TMEM245: variants seen among roughly 807,000 people sequenced by gnomAD.
The protein encoded by TMEM245 is protein CG-2.
A neutral mutation model predicts 101.2 loss-of-function variants in TMEM245; 69 were observed. The observed-to-expected ratio is 0.68, with a 90% confidence interval of 0.56 to 0.83. The LOEUF is 0.83. Among genes scored for constraint, TMEM245 ranks in the 40% least tolerant of loss-of-function variants. TMEM245 has a pLI of 0.00. For synonymous variants in TMEM245, 537 were observed against 449.8 expected (o/e 1.19, Z -2.45); for missense variants, 1,075 against 1,092.8 (o/e 0.98, Z 0.23).
chr9:109,099,617 C>T (rs548592804), intron 3 of TMEM245, among the ~76,000 whole-genome samples: 3 of 152,072 alleles, frequency 2.0e-5, no homozygotes, highest in Non-Finnish European at 4.4e-5. Context: ...AGCATAACAC[C>T]AATCTCACTA....
At chr9:109,111,221 AAC>A (rs1315362485) in intron 1 of TMEM245, among the ~76,000 whole-genome samples, 7 of 152,226 alleles carry the variant, frequency 4.6e-5, no homozygotes, top group Non-Finnish European at 1.0e-4. Flanking sequence ...ATTAGGAAAT[AAC>A]ACAGCTCAGT....
intron 16 of TMEM245, among the ~76,000 whole-genome samples, chr9:109,034,759 T>A (rs548468627): frequency 1.4e-4 from 21 of 152,080 alleles, no homozygotes; most frequent in Middle Eastern, 3.4e-3. Flanking sequence ...AAGCTTTTTT[T>A]AAAAAAAATA....
chr9:109,054,933 CA>C (rs1335971703), intron 12 of TMEM245, among the ~76,000 whole-genome samples: 2 of 152,138 alleles, frequency 1.3e-5, no homozygotes, highest in East Asian at 1.9e-4. Flanking sequence ...ACATTTCATA[CA>C]AAAACTACTA....
At chr9:109,025,948 T>C (rs1537431) in intron 17 of TMEM245, among the ~76,000 whole-genome samples, 66,055 of 152,102 alleles carry the variant, frequency 0.43, 14,725 homozygotes, top group South Asian at 0.61. Flanking sequence ...GGCATTCATC[T>C]GTGTGAAGAT....
intron 8 of TMEM245, among the ~76,000 whole-genome samples, chr9:109,079,995 G>A (rs1829622142): frequency 6.6e-6 from 1 of 152,090 alleles, no homozygotes; most frequent in Non-Finnish European, 1.5e-5. Flanking sequence ...GCTTGAGGGT[G>A]TACTGAAGCT....
At chr9:109,060,310 A>G (rs750383060) in intron 11 of TMEM245, 44 bp downstream of exon 11, 6 of 1,358,438 alleles carry the variant, frequency 4.4e-6, no homozygotes, top group Non-Finnish European at 6.2e-6. Context: ...CAATAAAAGG[A>G]CTTTATTAGT....
intron 8 of TMEM245, among the ~76,000 whole-genome samples, chr9:109,076,007 G>A (rs1046169998): frequency 1.3e-5 from 2 of 152,154 alleles, no homozygotes; most frequent in Non-Finnish European, 2.9e-5. Context: ...TGCTTCAGCT[G>A]CATCCCACAA....
At chr9:109,042,643 C>G (rs1828346400) in intron 14 of TMEM245, among the ~76,000 whole-genome samples, 2 of 152,064 alleles carry the variant, frequency 1.3e-5, no homozygotes, top group South Asian at 4.1e-4. Context: ...CCTTTGTTTT[C>G]TAATAAAATT....
chr9:109,083,908 A>AAAAC (rs1829747979), intron 7 of TMEM245, among the ~76,000 whole-genome samples: 1 of 110,202 alleles, frequency 9.1e-6, no homozygotes, highest in African/African-American at 3.6e-5. Context: ...ATACAAAAAA[A>AAAAC]AAAAAAAAAA....
intron 8 of TMEM245, among the ~76,000 whole-genome samples, chr9:109,080,086 T>C (rs1588057825): frequency 6.6e-6 from 1 of 152,186 alleles, no homozygotes; most frequent in Non-Finnish European, 1.5e-5. Flanking sequence ...AATTAGATTA[T>C]CAATTATAGT....
At chr9:109,064,704 T>A (rs541319438) in intron 9 of TMEM245, 137 bp from the exon 10 acceptor site, 63 of 592,032 alleles carry the variant, frequency 1.1e-4, no homozygotes, top group Non-Finnish European at 1.7e-4. Context: ...CAAAGCATCA[T>A]GAGCAGGACT....
intron 8 of TMEM245, among the ~76,000 whole-genome samples, chr9:109,080,470 G>A (rs1829634735): frequency 6.6e-6 from 1 of 151,836 alleles, no homozygotes; most frequent in Non-Finnish European, 1.5e-5. Flanking sequence ...ATGGAAGGTG[G>A]TAATCAGCAA....
At chr9:109,034,774 CGT>C in intron 16 of TMEM245, among the ~76,000 whole-genome samples, 1 of 151,998 alleles carries the variant, frequency 6.6e-6, no homozygotes, top group African/African-American at 2.4e-5. Flanking sequence ...AAAATAAAAA[CGT>C]GTGGGAGTTT....
Position 109,119,752 on chromosome 9 carries a change from G to A in TMEM245, c.162C>T (p.Phe54=), listed in dbSNP as rs1481342819. The A allele has an allele frequency of 3.3e-6, 5 of 1,521,190 alleles. No individual in the cohort carries two copies. The highest frequency in any genetic ancestry group is 1.4e-5 in the African/African-American group (1 of 70,054). 94.2% of individuals were successfully genotyped at this position (1,521,190 alleles called of 1,614,324 possible). A position where few individuals can be genotyped will look rare whatever the true frequency, so the allele number is the denominator to read the frequency against. Reference sequence around the variant, plus strand: ...CGAACAGCACGGCCCCGGTGTTGTAGAAGGCCTGCTTAATGGGCTTGTCGA... The same window carrying A: ...CGAACAGCACGGCCCCGGTGTTGTAAAAGGCCTGCTTAATGGGCTTGTCGA... The part of the protein sequence containing the change: ...LRFDKPIKQA[F]YNTGAVLFVC... The change falls in exon 1 of 18, where the codon TTC becomes TTT. Residue 54 remains phenylalanine (F), a synonymous_variant. Coordinates refer to ENST00000374586, the MANE Select transcript of TMEM245 (RefSeq NM_032012.4).
Position 109,083,476 on chromosome 9 carries a change from T to C in TMEM245, c.1344+2521A>G, listed in dbSNP as rs184348860. Among the ~76,000 whole-genome samples, 200 of 152,242 alleles carry C rather than the reference T, an allele frequency of 1.3e-3. 1 individual carries two copies. Among genetic ancestry groups the C allele is most frequent in the African/African-American group, 4.4e-3 (183 of 41,568 alleles). On this transcript the variant is annotated intron_variant, in intron 7 of 17. Coordinates refer to ENST00000374586, the MANE Select transcript of TMEM245 (RefSeq NM_032012.4). ...GAGAAGTTACTTTAATTTTTAAAGT[T>C]TATTTTTCAAAAAAAGAGAAGTAAT...
intron 5 of TMEM245, 107 bp downstream of exon 5, chr9:109,090,815 A>T: frequency 1.0e-6 from 1 of 967,478 alleles, no homozygotes; most frequent in Non-Finnish European, 1.5e-6. Context: ...AGATTGTTTT[A>T]CTTTGCAAGA....
At position 109,119,792 on chromosome 9, in the gene TMEM245, G is replaced by A. The variant is rs1009004783; in HGVS notation, c.122C>T (p.Ala41Val). Reference sequence around the variant, plus strand: ...GGGCTTGTCGAAGCGCAGCGCCAGCGCCGCGGTCCGCGGGGTCTCCCCGCC... The same window carrying A: ...GGGCTTGTCGAAGCGCAGCGCCAGCACCGCGGTCCGCGGGGTCTCCCCGCC... ...GGGGETPRTA[A>V]LALRFDKPIK... Residue 41 changes from alanine (A) to valine (V), a missense_variant, in exon 1 of 18, where the codon GCG becomes GTG. Ala to Val is a moderately conservative substitution (Grantham distance 64). This residue lies in a region of TMEM245 where 808 missense variants were observed against 741.5 expected (regional missense o/e 1.09). Transcript: ENST00000374586. 1.3e-5 allele frequency: 19 copies of A among 1,466,862 alleles called. 1 individual carries two copies. In the Admixed American group the frequency reaches 1.7e-4, roughly 13 times the overall value. The allele number at this position is 1,466,862 out of a possible 1,614,324, so 90.9% of individuals were successfully genotyped here. A position where few individuals can be genotyped will look rare whatever the true frequency, so the allele number is the denominator to read the frequency against.
intron 8 of TMEM245, among the ~76,000 whole-genome samples, chr9:109,076,495 C>T (rs916572768): frequency 2.0e-4 from 30 of 151,546 alleles, no homozygotes; most frequent in Admixed American, 2.0e-3. Context: ...CAAACCTGCA[C>T]GTTGTGCACA....
At chr9:109,094,297 GTTCTAGCACACT>G (rs1227746431) in intron 3 of TMEM245, among the ~76,000 whole-genome samples, 1 of 152,134 alleles carries the variant, frequency 6.6e-6, no homozygotes, top group Non-Finnish European at 1.5e-5. Flanking sequence ...ATAGCATCGG[GTTCTAGCACACT>G]TTCTTGCACA....
Sources: gnomAD v4.1 joint callset for allele counts (sites outside exome capture counted in the v4.1 genomes callset) on GRCh38, gnomAD v4.1.1 for gene constraint, gnomAD v4.1.1 regional missense constraint, MANE v1.5 for transcripts, NCBI Gene and HGNC (gene_info 2026-07-23, HGNC 2026-07-21) for gene names.